The following IFITM2 variants were observed in gnomAD, a reference collection of about 807,000 sequenced individuals.
IFITM2 encodes the protein interferon-induced transmembrane protein 2.
Under a neutral mutation model 5.9 loss-of-function variants are expected in IFITM2, and 3 were observed. The observed-to-expected ratio is 0.51, with a 90% CI of 0.23 to 1.32. The LOEUF (loss-of-function observed/expected upper bound fraction) is 1.32. Ranked by LOEUF, IFITM2 falls within the 40% of genes most tolerant of loss-of-function variation. The pLI is 0.18. For synonymous variants in IFITM2, 76 were observed against 72.4 expected (o/e 1.05, Z -0.25); for missense variants, 159 against 175.9 (o/e 0.90, Z 0.54).
chr11:309,347 T>A lies in IFITM2; in HGVS notation c.*182T>A. On this transcript the variant is annotated 3_prime_UTR_variant, in exon 2 of 2. Transcript: ENST00000616316. Reference sequence around the variant, plus strand: ...CGAGTCCTGCATCAGCCCTTTATCCTCACACGCTTTTCTACAATGGCATTC... The same window carrying A: ...CGAGTCCTGCATCAGCCCTTTATCCACACACGCTTTTCTACAATGGCATTC... 6.8e-7 allele frequency: 1 copy of A among 1,468,266 alleles called. No homozygotes were observed. 91.0% of individuals were successfully genotyped at this position (1,468,266 alleles called of 1,614,324 possible).
In IFITM2 at chr11:308,438, G is replaced by A. The variant is rs773188217; in HGVS notation, c.246G>A (p.Lys82=). 3 of 1,613,210 alleles carry A rather than the reference G, an allele frequency of 1.9e-6. No homozygotes were observed. Among genetic ancestry groups the A allele is most frequent in the African/African-American group, 2.7e-5 (2 of 74,908 alleles). The change falls in exon 1 of 2, where the codon AAG becomes AAA. Residue 82 remains lysine (K), a splice_region_variant and synonymous_variant. Transcript: ENST00000616316. ...TCATAGCATTCGCGTACTCCGTGAA[G>A]GTGCGTATGGCCCTGGCGGAAATCC... The part of the protein sequence containing the change: ...LGFIAFAYSV[K]SRDRKMVGDV...
chr11:308,635 C>A, intron 1 of IFITM2, 197 bp downstream of exon 1: 1 of 920,398 alleles, frequency 1.1e-6, no homozygotes, highest in East Asian at 2.6e-5. Flanking sequence ...CTGCCCAGTG[C>A]AGGTCTAGGA....
Position 308,032 on chromosome 11 carries a change from A to T in IFITM2, c.-161A>T. ...AGCCCCTCTTTCCTCCCTCTCCTAAAGTAATTTGATCCTCAGGAATTTGTT... is the reference window on the plus strand; with the variant it reads ...AGCCCCTCTTTCCTCCCTCTCCTAATGTAATTTGATCCTCAGGAATTTGTT... On this transcript the variant is annotated 5_prime_UTR_variant, in exon 1 of 2. In the 5' UTR this introduces an upstream ATG that the reference lacks. Coordinates refer to ENST00000616316, the MANE Select transcript of IFITM2 (RefSeq NM_006435.3). 1.1e-6 allele frequency: 1 copy of T among 885,598 alleles called. No individual in the cohort carries two copies. Among genetic ancestry groups the T allele is most frequent in the Non-Finnish European group, 1.7e-6 (1 of 572,712 alleles). 54.9% of individuals were successfully genotyped at this position (885,598 alleles called of 1,614,324 possible).
At position 309,022 on chromosome 11, in the gene IFITM2, A is replaced by G. The variant is rs562618511; in HGVS notation, c.256A>G (p.Arg86Gly). Reference protein sequence around the residue: ...AFAYSVKSRDRKMVGDVTGAQ... With the variant: ...AFAYSVKSRDGKMVGDVTGAQ... ...ATCTCCTCTCCCCCAGTCTAGGGAC[A>G]GGAAGATGGTTGGCGACGTGACCGG... The change falls in exon 2 of 2, where the codon AGG becomes GGG. Residue 86 changes from arginine (R) to glycine (G), a missense_variant. By Grantham distance (125) the Arg-to-Gly change is moderately radical. Transcript: ENST00000616316. 8.7e-6 allele frequency: 14 copies of G among 1,613,814 alleles called. No individual in the cohort carries two copies. The highest frequency in any genetic ancestry group is 1.2e-5 in the Non-Finnish European group (14 of 1,179,890).
chr11:309,292 A>G lies in IFITM2; in HGVS notation c.*127A>G, dbSNP rs762940191. 1 of 1,578,274 alleles carries G rather than the reference A, an allele frequency of 6.3e-7. No homozygotes were observed. Among genetic ancestry groups the G allele is most frequent in the African/African-American group, 1.3e-5 (1 of 74,126 alleles). ...CCTTGACCTGTATTCCACTTACTCC[A>G]CCTTCCATTCCTCGCCCTGTCCCCA... On this transcript the variant is annotated 3_prime_UTR_variant, in exon 2 of 2. Transcript: ENST00000616316.
In IFITM2 at chr11:309,004, C is replaced by T; in HGVS notation, c.247-9C>T. 1 of 1,611,540 alleles carries T rather than the reference C, an allele frequency of 6.2e-7. No individual in the cohort carries two copies. The highest frequency in any genetic ancestry group is 1.1e-5 in the South Asian group (1 of 90,828). On this transcript the variant is annotated splice_polypyrimidine_tract_variant and intron_variant, in intron 1 of 1. Coordinates refer to ENST00000616316, the MANE Select transcript of IFITM2 (RefSeq NM_006435.3). ...GATCCTGGTCCCCTCACCATCTCCT[C>T]TCCCCCAGTCTAGGGACAGGAAGAT...
rs760997074 is a variant in IFITM2 at position 308,202 on chromosome 11, A to G, written c.10A>G (p.Ile4Val). The change falls in exon 1 of 2, where the codon ATT becomes GTT. Residue 4 changes from isoleucine (I) to valine (V), a missense_variant. Physicochemically the swap from Ile to Val is conservative, Grantham distance 29 (BLOSUM62 3). Transcript: ENST00000616316. ...ATCACCGCTGGTCACCATGAACCAC[A>G]TTGTGCAAACCTTCTCTCCTGTCAA... MNHIVQTFSPVNSG... is the reference protein window; with the variant it reads MNHVVQTFSPVNSG... 1 of 1,614,046 alleles carries G rather than the reference A, an allele frequency of 6.2e-7. No individual in the cohort carries two copies. Among genetic ancestry groups the G allele is most frequent in the Non-Finnish European group, 8.5e-7 (1 of 1,179,946 alleles).
rs201079035 is a variant in IFITM2 at position 308,232 on chromosome 11, G to A, written c.40G>A (p.Gly14Ser). The A allele has an allele frequency of 2.9e-4, 464 of 1,614,074 alleles. No individual in the cohort carries two copies. Among genetic ancestry groups the A allele is most frequent in the South Asian group, 8.3e-4 (76 of 91,072 alleles). ...GCAAACCTTCTCTCCTGTCAACAGC[G>A]GCCAGCCTCCCAACTACGAGATGCT... ...IVQTFSPVNSGQPPNYEMLKE... is the reference protein window; with the variant it reads ...IVQTFSPVNSSQPPNYEMLKE... Residue 14 changes from glycine to serine, a missense_variant, in exon 1 of 2, where the codon GGC becomes AGC. Coordinates refer to ENST00000616316, the MANE Select transcript of IFITM2 (RefSeq NM_006435.3).
rs1187262761 is a variant in IFITM2, at chr11:309,101, T to C, written c.335T>C (p.Leu112Ser). ...AKCLNIWALI[L>S]GIFMTILLII... ...TGCCTGAACATCTGGGCCCTGATTT[T>C]GGGCATCTTCATGACCATTCTGCTC... is the stretch of plus-strand genomic sequence containing the variant. The change falls in exon 2 of 2, where the codon TTG (leucine) becomes TCG (serine). Residue 112 changes from leucine (L) to serine (S), a missense_variant. Coordinates refer to ENST00000616316, the MANE Select transcript of IFITM2 (RefSeq NM_006435.3). 5 of 1,614,238 alleles carry C rather than the reference T, an allele frequency of 3.1e-6. No individual in the cohort carries two copies. The East Asian group carries it at 1.1e-4, about 36-fold the overall frequency.
chr11:308,939 G>C, intron 1 of IFITM2, 74 bp from the exon 2 acceptor site: 1 of 1,603,304 alleles, frequency 6.2e-7, no homozygotes, highest in Middle Eastern at 2.2e-4. Flanking sequence ...GGAGGAGACA[G>C]TGAGGAGCTG....
chr11:308,010 C>T lies in IFITM2; in HGVS notation c.-183C>T. 1.4e-6 allele frequency: 1 copy of T among 723,888 alleles called. No homozygotes were observed. Among genetic ancestry groups the T allele is most frequent in the Non-Finnish European group, 2.3e-6 (1 of 438,546 alleles). The allele number at this position is 723,888 out of a possible 1,614,324, so 44.8% of individuals were successfully genotyped here. A position where few individuals can be genotyped will look rare whatever the true frequency, so the allele number is the denominator to read the frequency against. On this transcript the variant is annotated 5_prime_UTR_variant, in exon 1 of 2. Coordinates refer to ENST00000616316, the MANE Select transcript of IFITM2 (RefSeq NM_006435.3). ...GAGGAAGCCCCTCTTAGCCCTCAGC[C>T]CCTCTTTCCTCCCTCTCCTAAAGTA...
rs370638766 is a variant in IFITM2, at chr11:309,216, C to A, written c.*51C>A. 4 of 1,613,902 alleles carry A rather than the reference C, an allele frequency of 2.5e-6. No individual in the cohort carries two copies. Among genetic ancestry groups the A allele is most frequent in the Non-Finnish European group, 3.4e-6 (4 of 1,179,978 alleles). ...AGCTCTGCCCGTGACCTGTATCCCA[C>A]GTACTCTATCTTCCATTCCTCGCCC... is the stretch of plus-strand genomic sequence containing the variant. On this transcript the variant is annotated 3_prime_UTR_variant, in exon 2 of 2. Coordinates refer to ENST00000616316, the MANE Select transcript of IFITM2 (RefSeq NM_006435.3).
At position 308,149 on chromosome 11, in the gene IFITM2, G is replaced by T; in HGVS notation, c.-44G>T. 3 of 1,601,606 alleles carry T rather than the reference G, an allele frequency of 1.9e-6. No individual in the cohort carries two copies. Among genetic ancestry groups the T allele is most frequent in the Non-Finnish European group, 2.6e-6 (3 of 1,170,796 alleles). On this transcript the variant is annotated 5_prime_UTR_variant, in exon 1 of 2. Transcript: ENST00000616316. ...AACGGAACTACTGGGGAAAGGGAGG[G>T]CTCACTGAGAACCATCCCGGTAACC...
chr11:308,824 A>G, intron 1 of IFITM2, 189 bp from the exon 2 acceptor site: 1 of 786,596 alleles, frequency 1.3e-6, no homozygotes, highest in South Asian at 1.5e-5. Context: ...GGTGGGGAGA[A>G]CAGCCTGTGC....
chr11:308,801 G>T, intron 1 of IFITM2: 2 of 733,934 alleles, frequency 2.7e-6, no homozygotes, highest in Non-Finnish European at 2.5e-6. Flanking sequence ...ACTCACAGGT[G>T]ACTTCACCCC....
rs771775579 is a variant in IFITM2, at chr11:308,433, G to A, written c.241G>A (p.Val81Met). The A allele has an allele frequency of 3.3e-5, 54 of 1,613,248 alleles. No individual in the cohort carries two copies. Among genetic ancestry groups the A allele is most frequent in the African/African-American group, 5.3e-5 (4 of 74,902 alleles). The change falls in exon 1 of 2, where the codon GTG becomes ATG. Residue 81 changes from valine to methionine, a missense_variant. Physicochemically the swap from Val to Met is conservative, Grantham distance 21. Transcript: ENST00000616316. ...CLGFIAFAYS[V>M]KSRDRKMVGD... is the part of the protein sequence containing the mutation. ...GGGCTTCATAGCATTCGCGTACTCC[G>A]TGAAGGTGCGTATGGCCCTGGCGGA...
At position 309,277 on chromosome 11, in the gene IFITM2, T is replaced by C; in HGVS notation, c.*112T>C. ...GGCCAGGAGCTCTGCCCTTGACCTG[T>C]ATTCCACTTACTCCACCTTCCATTC... On this transcript the variant is annotated 3_prime_UTR_variant, in exon 2 of 2. Coordinates refer to ENST00000616316, the MANE Select transcript of IFITM2 (RefSeq NM_006435.3). 6.3e-7 allele frequency: 1 copy of C among 1,596,620 alleles called. No individual in the cohort carries two copies. The highest frequency in any genetic ancestry group is 8.5e-7 in the Non-Finnish European group (1 of 1,171,360).
rs1464492609 is a variant in IFITM2, at chr11:308,218, C to G, written c.26C>G (p.Ser9Cys). 4.3e-6 allele frequency: 7 copies of G among 1,614,162 alleles called. No homozygotes were observed. Among genetic ancestry groups the G allele is most frequent in the Non-Finnish European group, 5.9e-6 (7 of 1,180,034 alleles). ...ATGAACCACATTGTGCAAACCTTCT[C>G]TCCTGTCAACAGCGGCCAGCCTCCC... MNHIVQTFSPVNSGQPPNY... is the reference protein window; with the variant it reads MNHIVQTFCPVNSGQPPNY... Residue 9 changes from serine to cysteine, a missense_variant, in exon 1 of 2, where the codon TCT becomes TGT. By Grantham distance (112) the Ser-to-Cys change is moderately radical. Coordinates refer to ENST00000616316, the MANE Select transcript of IFITM2 (RefSeq NM_006435.3).
In IFITM2 at chr11:309,342, T is replaced by A; in HGVS notation, c.*177T>A. The A allele has an allele frequency of 6.7e-7, 1 of 1,488,058 alleles. No individual in the cohort carries two copies. The highest frequency in any genetic ancestry group is 9.1e-7 in the Non-Finnish European group (1 of 1,101,382). 92.2% of individuals were successfully genotyped at this position (1,488,058 alleles called of 1,614,324 possible). ...ACAGCCGAGTCCTGCATCAGCCCTT[T>A]ATCCTCACACGCTTTTCTACAATGG... On this transcript the variant is annotated 3_prime_UTR_variant, in exon 2 of 2. Coordinates refer to ENST00000616316, the MANE Select transcript of IFITM2 (RefSeq NM_006435.3).
Sources: allele counts gnomAD v4.1 joint callset, GRCh38; gene constraint gnomAD v4.1.1; transcripts MANE v1.5; gene names NCBI Gene and HGNC (gene_info 2026-07-23, HGNC 2026-07-21).